The following FNBP1 variants were observed in gnomAD, a reference collection of about 807,000 sequenced individuals.
FNBP1 encodes formin-binding protein 1.
Under a neutral mutation model 90.6 loss-of-function variants are expected in FNBP1, and 26 were observed. The observed-to-expected ratio is 0.29, with a 90% CI of 0.21 to 0.40. The LOEUF (loss-of-function observed/expected upper bound fraction) is 0.40, where lower values mean the gene tolerates loss of function less well. FNBP1 is among the 10% of genes least tolerant of loss of function. The pLI is 1.00. For synonymous variants in FNBP1, 260 were observed against 265.2 expected (o/e 0.98, Z 0.19); for missense variants, 635 against 768.0 (o/e 0.83, Z 2.05).
chr9:130,048,200 C>T, the FNBP1 span, among the ~76,000 whole-genome samples: 22 of 151,308 alleles, frequency 1.5e-4, no homozygotes. Flanking sequence ...CCTGTAATCC[C>T]AGCTACTCAG....
chr9:129,960,383 CAAAAAAAAAA>C (rs10715833), intron 4 of FNBP1, among the ~76,000 whole-genome samples: 1 of 80,454 alleles, frequency 1.2e-5, no homozygotes, highest in Non-Finnish European at 2.4e-5. Flanking sequence ...GACTCCATCT[CAAAAAAAAAA>C]AAAAAAAAAA....
At chr9:129,895,207 GTA>G in intron 16 of FNBP1, 1 of 982,854 alleles carries the variant, frequency 1.0e-6, no homozygotes, top group Non-Finnish European at 1.2e-6. Flanking sequence ...ATGGAACAGG[GTA>G]CTCGTGATGC....
intron 10 of FNBP1, among the ~76,000 whole-genome samples, chr9:129,920,664 A>G (rs1564331021): frequency 1.3e-5 from 2 of 152,136 alleles, no homozygotes; most frequent in Non-Finnish European, 2.9e-5. Flanking sequence ...CTTTTTCTAA[A>G]TAGTTAGAGA....
chr9:129,894,880 C>A (rs750785310), intron 16 of FNBP1, among the ~76,000 whole-genome samples: 5 of 152,064 alleles, frequency 3.3e-5, no homozygotes, highest in Non-Finnish European at 7.4e-5. Context: ...GCCAACAGAG[C>A]GAACCCGTCT....
intron 10 of FNBP1, among the ~76,000 whole-genome samples, chr9:129,921,036 AT>A (rs1359038362): frequency 6.6e-6 from 1 of 152,186 alleles, no homozygotes. Flanking sequence ...TTGAAGCTGT[AT>A]TCTGCCTTCC....
chr9:130,005,163 G>A (rs994370555), intron 1 of FNBP1, among the ~76,000 whole-genome samples: 1 of 151,596 alleles, frequency 6.6e-6, no homozygotes, highest in African/African-American at 2.4e-5. Flanking sequence ...TTGAACCAGG[G>A]AGGTGGAGGT....
chr9:129,902,377 G>A (rs1034531551), intron 13 of FNBP1, among the ~76,000 whole-genome samples: 1 of 152,092 alleles, frequency 6.6e-6, no homozygotes, highest in Non-Finnish European at 1.5e-5. Flanking sequence ...GTGGGAGGAT[G>A]GCTTAAGGCC....
At position 130,023,716 on chromosome 9, in the gene FNBP1, C is replaced by T. The variant is rs576347896; in HGVS notation, c.24+19236G>A. Among the ~76,000 whole-genome samples the T allele has an allele frequency of 8.5e-5, 13 of 152,224 alleles. No homozygotes were observed. The East Asian group carries it at 2.5e-3, about 29-fold the overall frequency. The stretch of plus-strand genomic sequence containing the variant: ...TCTGGGTTCCTAAGTGTTCTCCCAA[C>T]AGTACCCTCTCGGTGATGCCTACAG... On this transcript the variant is annotated intron_variant, in intron 1 of 16. Coordinates refer to ENST00000446176, the MANE Select transcript of FNBP1 (RefSeq NM_015033.3).
chr9:130,018,260 T>A (rs2057458016), intron 1 of FNBP1, among the ~76,000 whole-genome samples: 1 of 151,874 alleles, frequency 6.6e-6, no homozygotes, highest in African/African-American at 2.4e-5. Context: ...TTAAAGTGTG[T>A]GTGTGTGTGT....
intron 10 of FNBP1, among the ~76,000 whole-genome samples, chr9:129,920,665 T>C (rs2040945795): frequency 6.6e-6 from 1 of 152,058 alleles, no homozygotes; most frequent in South Asian, 2.1e-4. Flanking sequence ...TTTTTCTAAA[T>C]AGTTAGAGAA....
chr9:129,892,019 A>G (rs558487197), intron 16 of FNBP1, among the ~76,000 whole-genome samples: 2 of 152,310 alleles, frequency 1.3e-5, no homozygotes, highest in East Asian at 3.9e-4. Context: ...TCAGAACCCC[A>G]GAGTTTATAA....
intron 1 of FNBP1, among the ~76,000 whole-genome samples, chr9:130,030,119 T>G (rs1335943095): frequency 6.6e-6 from 1 of 151,810 alleles, no homozygotes; most frequent in African/African-American, 2.4e-5. Context: ...CATGAAAGAT[T>G]GAATAGAGAT....
intron 1 of FNBP1, among the ~76,000 whole-genome samples, chr9:130,006,211 G>C (rs2055670832): frequency 6.6e-6 from 1 of 152,220 alleles, no homozygotes; most frequent in Non-Finnish European, 1.5e-5. Context: ...GGGAGGCCAA[G>C]GCGGGTGGAT....
intron 7 of FNBP1, 44 bp downstream of exon 7, chr9:129,929,523 A>G (rs1452340699): frequency 6.3e-7 from 1 of 1,596,302 alleles, no homozygotes; most frequent in Admixed American, 1.7e-5. Flanking sequence ...TTCTAAGGAA[A>G]GCAAAGCATA....
intron 1 of FNBP1, among the ~76,000 whole-genome samples, chr9:130,022,889 G>A (rs1341810294): frequency 6.6e-6 from 1 of 152,166 alleles, no homozygotes; most frequent in Admixed American, 6.5e-5. Context: ...GTTGCCCAGT[G>A]TAATCCCAGC....
At chr9:129,936,897 C>T (rs2043545743) in intron 6 of FNBP1, among the ~76,000 whole-genome samples, 1 of 152,284 alleles carries the variant, frequency 6.6e-6, no homozygotes, top group South Asian at 2.1e-4. Context: ...TGGCCAGGTG[C>T]GGTGGCTCAC....
intron 1 of FNBP1, among the ~76,000 whole-genome samples, chr9:130,023,111 C>T (rs1425834692): frequency 6.6e-6 from 1 of 151,622 alleles, no homozygotes; most frequent in African/African-American, 2.4e-5. Flanking sequence ...AGTATGCTAA[C>T]ATTTGTAAGG....
At position 129,900,277 on chromosome 9, in the gene FNBP1, T is replaced by G. The variant is rs1368399536; in HGVS notation, c.1550+149A>C. On this transcript the variant is annotated intron_variant, in intron 14 of 16. Transcript: ENST00000446176. The surrounding 1 kb of genome is among the most constrained non-coding windows in gnomAD (Gnocchi z 4.1). ...CCCATCCCATGTGGAATTATAAATC[T>G]GCATCATGGAAAAAGTGACAGGTCA... 7.3e-6 allele frequency: 8 copies of G among 1,102,644 alleles called. No individual in the cohort carries two copies. In the East Asian group the frequency reaches 2.3e-4, roughly 32 times the overall value. The allele number at this position is 1,102,644 out of a possible 1,614,324, so 68.3% of individuals were successfully genotyped here.
chr9:129,927,061 G>A, intron 8 of FNBP1, 134 bp downstream of exon 8: 1 of 782,298 alleles, frequency 1.3e-6, no homozygotes, highest in Non-Finnish European at 2.1e-6. Flanking sequence ...CTAAATCCAA[G>A]ACACAGAGCA....
Sources: allele counts gnomAD v4.1 joint callset (sites outside exome capture counted in the v4.1 genomes callset), GRCh38; gene constraint gnomAD v4.1.1; non-coding constraint Gnocchi (gnomAD v3.1); transcripts MANE v1.5; gene names NCBI Gene and HGNC (gene_info 2026-07-23, HGNC 2026-07-21).